The following FBXL7 variants were observed in gnomAD, a reference collection of about 807,000 sequenced individuals.
FBXL7 encodes F-box and leucine rich repeat protein 7.
In FBXL7, 12 loss-of-function variants were observed where a neutral mutation model predicts 38.3. The ratio of observed to expected loss-of-function variants is 0.31; its 90% CI spans 0.20 to 0.51. The LOEUF (loss-of-function observed/expected upper bound fraction) is 0.51. FBXL7 is among the 20% of genes least tolerant of loss of function. The pLI is 0.98. For missense variants in FBXL7, 567 were observed against 676.4 expected (o/e 0.84, Z 1.79); for synonymous variants, 297 against 300.9 (o/e 0.99, Z 0.13).
chr5:15,883,246 T>A (rs1740535046), intron 2 of FBXL7, among the ~76,000 whole-genome samples: 1 of 152,242 alleles, frequency 6.6e-6, no homozygotes, highest in Non-Finnish European at 1.5e-5. Context: ...AGCCTTGTGA[T>A]GGGGCAGGGA....
intron 2 of FBXL7, among the ~76,000 whole-genome samples, chr5:15,706,337 A>G (rs759456965): frequency 4.6e-5 from 7 of 152,084 alleles, no homozygotes; most frequent in Non-Finnish European, 1.0e-4. Flanking sequence ...TTGTCATGTG[A>G]TGTGCCTTCT....
chr5:15,775,648 C>G (rs1003034610), intron 2 of FBXL7, among the ~76,000 whole-genome samples: 1 of 152,018 alleles, frequency 6.6e-6, no homozygotes, highest in South Asian at 2.1e-4. Context: ...ACAGATTTCA[C>G]CAAAACCAGT....
chr5:15,615,029 G>C (rs1740398213), intron 1 of FBXL7, among the ~76,000 whole-genome samples: 1 of 152,168 alleles, frequency 6.6e-6, no homozygotes, highest in Non-Finnish European at 1.5e-5. Flanking sequence ...CCACTCTCAA[G>C]GGGGAGGAGA....
chr5:15,539,602 A>G (rs1055775477), intron 1 of FBXL7, among the ~76,000 whole-genome samples: 2 of 152,126 alleles, frequency 1.3e-5, no homozygotes, highest in African/African-American at 2.4e-5. Context: ...TTTACTAGAT[A>G]TTCTACAACA....
Position 15,500,421 on chromosome 5 carries a change from G to A in FBXL7, c.-256G>A, listed in dbSNP as rs1736456049. 7.2e-6 allele frequency: 3 copies of A among 415,582 alleles called. No homozygotes were observed. Among genetic ancestry groups the A allele is most frequent in the East Asian group, 5.0e-5 (1 of 19,954 alleles). The allele number at this position is 415,582 out of a possible 1,614,324, so 25.7% of individuals were successfully genotyped here. The stretch of plus-strand genomic sequence containing the variant: ...GCGGGCTGTGCGCGGCGCTGCGCCC[G>A]CCGGCCCCCAGCGCGGATTGTAAGT... On this transcript the variant is annotated 5_prime_UTR_variant, in exon 1 of 4. Coordinates refer to ENST00000504595, the MANE Select transcript of FBXL7 (RefSeq NM_012304.5).
intron 3 of FBXL7, among the ~76,000 whole-genome samples, chr5:15,930,539 G>A (rs932847305): frequency 7.2e-5 from 11 of 152,152 alleles, no homozygotes; most frequent in African/African-American, 2.7e-4. Context: ...TTTGCTATTT[G>A]GGAATGGAAA....
chr5:15,871,992 C>T (rs994608540), intron 2 of FBXL7, among the ~76,000 whole-genome samples: 4 of 152,078 alleles, frequency 2.6e-5, no homozygotes, highest in Admixed American at 1.3e-4. Context: ...TCATCAGATT[C>T]CCCAAAGTTG....
intron 1 of FBXL7, among the ~76,000 whole-genome samples, chr5:15,600,643 A>C (rs1307271573): frequency 6.6e-6 from 1 of 152,202 alleles, no homozygotes; most frequent in Non-Finnish European, 1.5e-5. Flanking sequence ...GCGGGATCTT[A>C]AAATTGTTTT....
intron 2 of FBXL7, among the ~76,000 whole-genome samples, chr5:15,814,298 A>G (rs1423522301): frequency 2.0e-5 from 3 of 152,106 alleles, no homozygotes; most frequent in Non-Finnish European, 4.4e-5. Flanking sequence ...GAAGCTGGCA[A>G]CCATCATTCT....
Position 15,867,499 on chromosome 5 carries a change from T to C in FBXL7, c.128-60391T>C, listed in dbSNP as rs546405401. On this transcript the variant is annotated intron_variant, in intron 2 of 3. Transcript: ENST00000504595. ...TCAACTCCAACAGAACATCCTTGTA[T>C]CTTCAGTAATTCTGATATTGTTTTC... 1.3e-3 allele frequency among the ~76,000 whole-genome samples: 197 copies of C among 152,342 alleles called. 1 individual carries two copies. The highest frequency in any genetic ancestry group is 2.1e-3 in the Non-Finnish European group (146 of 68,030).
chr5:15,671,568 C>T (rs963387235), intron 2 of FBXL7, among the ~76,000 whole-genome samples: 1 of 152,156 alleles, frequency 6.6e-6, no homozygotes, highest in Non-Finnish European at 1.5e-5. Flanking sequence ...TTGATCTTAG[C>T]CGAAAGGCTG....
intron 1 of FBXL7, among the ~76,000 whole-genome samples, chr5:15,587,173 G>A (rs148018031): frequency 6.6e-6 from 1 of 152,314 alleles, no homozygotes; most frequent in Non-Finnish European, 1.5e-5. Flanking sequence ...AATCTCTGTT[G>A]CTCCTTTTGG....
chr5:15,847,577 GCA>G (rs1738948550), intron 2 of FBXL7, among the ~76,000 whole-genome samples: 1 of 152,124 alleles, frequency 6.6e-6, no homozygotes, highest in East Asian at 1.9e-4. Context: ...TTTAGGGCAA[GCA>G]AGACCTATGC....
At chr5:15,549,993 T>C (rs1043660519) in intron 1 of FBXL7, among the ~76,000 whole-genome samples, 9 of 152,136 alleles carry the variant, frequency 5.9e-5, no homozygotes, top group Non-Finnish European at 1.3e-4. Flanking sequence ...CCTGCAGAGA[T>C]TTGGGTAGAA....
At chr5:15,574,078 T>C (rs1424451040) in intron 1 of FBXL7, among the ~76,000 whole-genome samples, 1 of 152,228 alleles carries the variant, frequency 6.6e-6, no homozygotes, top group Non-Finnish European at 1.5e-5. Context: ...TTGGTAGCTT[T>C]CTATTGTCTA....
intron 2 of FBXL7, among the ~76,000 whole-genome samples, chr5:15,702,301 C>T (rs986074942): frequency 2.0e-5 from 3 of 151,466 alleles, no homozygotes; most frequent in Admixed American, 2.0e-4. Flanking sequence ...GCTGTCATGG[C>T]TCATACAGGA....
intron 2 of FBXL7, among the ~76,000 whole-genome samples, chr5:15,627,855 A>G (rs1740869761): frequency 6.6e-6 from 1 of 152,208 alleles, no homozygotes; most frequent in Admixed American, 6.5e-5. Context: ...ACTAGGAAAT[A>G]ACTTCTCATG....
chr5:15,555,398 G>T lies in FBXL7; in HGVS notation c.37+54685G>T, dbSNP rs561158768. On this transcript the variant is annotated intron_variant, in intron 1 of 3. Transcript: ENST00000504595. ...GCAGGCATCAAAGCCAGTAACTGTG[G>T]AACAGGTGGGATCACTTTGGTTACA... 2.6e-5 allele frequency among the ~76,000 whole-genome samples: 4 copies of T among 152,314 alleles called. No individual in the cohort carries two copies. The East Asian group carries it at 7.7e-4, about 29-fold the overall frequency.
chr5:15,700,881 T>C (rs2126632592), intron 2 of FBXL7, among the ~76,000 whole-genome samples: 1 of 152,334 alleles, frequency 6.6e-6, no homozygotes, highest in Admixed American at 6.5e-5. Flanking sequence ...TTGTCTTCCC[T>C]GGTGAGGTTG....
Sources: gnomAD v4.1 joint callset for allele counts (sites outside exome capture counted in the v4.1 genomes callset) on GRCh38, gnomAD v4.1.1 for gene constraint, MANE v1.5 for transcripts, NCBI Gene and HGNC (gene_info 2026-07-23, HGNC 2026-07-21) for gene names.